The following RELA variants were observed in gnomAD, a reference collection of about 807,000 sequenced individuals.
RELA encodes RELA proto-oncogene, NF-kB subunit.
Under a neutral mutation model 56.7 loss-of-function variants are expected in RELA, and 14 were observed. The observed-to-expected ratio is 0.25, with a 90% confidence interval of 0.16 to 0.39. RELA has a LOEUF of 0.39. Ranked by LOEUF, RELA falls within the 10% of genes least tolerant of loss-of-function variation. The pLI is 1.00. For missense variants in RELA, 559 were observed against 736.4 expected (o/e 0.76, Z 2.79); for synonymous variants, 315 against 289.7 (o/e 1.09, Z -0.89).
At position 65,662,916 on chromosome 11, in the gene RELA, T is replaced by C. The variant is rs1856611677; in HGVS notation, c.-84A>G. On this transcript the variant is annotated 5_prime_UTR_variant, in exon 1 of 11. Transcript: ENST00000406246. ...ACGAGCCATTCGCCAGAGGCGGAAATGCGCCGCGCGGCCCGCCGTCGCGTC... is the reference window on the plus strand; with the variant it reads ...ACGAGCCATTCGCCAGAGGCGGAAACGCGCCGCGCGGCCCGCCGTCGCGTC... 9.1e-7 allele frequency: 1 copy of C among 1,102,216 alleles called. No homozygotes were observed. Among genetic ancestry groups the C allele is most frequent in the East Asian group, 3.9e-5 (1 of 25,652 alleles). 68.3% of individuals were successfully genotyped at this position (1,102,216 alleles called of 1,614,324 possible).
In RELA at chr11:65,653,634, G is replaced by A. The variant is rs981955543; in HGVS notation, c.*744C>T. The A allele has an allele frequency of 1.3e-5, 2 of 152,490 alleles. No homozygotes were observed. The highest frequency in any genetic ancestry group is 2.4e-5 in the African/African-American group (1 of 41,454). The allele number at this position is 152,490 out of a possible 1,614,324, so 9.4% of individuals were successfully genotyped here. A position where few individuals can be genotyped will look rare whatever the true frequency, so the allele number is the denominator to read the frequency against. The stretch of plus-strand genomic sequence containing the variant: ...GCAACAGATTTATTAGTTCAGAGTA[G>A]AAAGAGCAAGAGTCCAAGTGCTTTG... On this transcript the variant is annotated 3_prime_UTR_variant, in exon 11 of 11. Transcript: ENST00000406246.
intron 6 of RELA, 145 bp downstream of exon 6, chr11:65,659,521 C>CA: frequency 1.8e-6 from 2 of 1,098,918 alleles, no homozygotes; most frequent in Non-Finnish European, 2.6e-6. Context: ...CCCCAGCCAA[C>CA]AAAGAGCTGG....
At chr11:65,662,292 A>G in intron 1 of RELA, 87 bp from the exon 2 acceptor site, 1 of 1,415,716 alleles carries the variant, frequency 7.1e-7, no homozygotes, top group South Asian at 1.6e-5. Context: ...AGGAGAAGCC[A>G]GGCTCCCTCC....
chr11:65,663,523 C>T (rs1015830377), upstream of RELA, among the ~76,000 whole-genome samples: 2 of 152,196 alleles, frequency 1.3e-5, no homozygotes, highest in African/African-American at 4.8e-5. Flanking sequence ...CGACTGAGGC[C>T]CTCCCGCTGG....
At position 65,658,161 on chromosome 11, in the gene RELA, G is replaced by C; in HGVS notation, c.877+126C>G. 3.0e-6 allele frequency: 2 copies of C among 664,224 alleles called. No homozygotes were observed. Among genetic ancestry groups the C allele is most frequent in the Non-Finnish European group, 2.6e-6 (1 of 391,988 alleles). 41.1% of individuals were successfully genotyped at this position (664,224 alleles called of 1,614,324 possible). ...TAAATGAGGCAAGAAATGGATTCCA[G>C]TTTCTTGGATCCCAAGCTCTGACTC... On this transcript the variant is annotated intron_variant, in intron 8 of 10. Coordinates refer to ENST00000406246, the MANE Select transcript of RELA (RefSeq NM_021975.4). The surrounding 1 kb of genome is among the most constrained non-coding windows in gnomAD (Gnocchi z 4.5).
chr11:65,662,889 A>G lies in RELA; in HGVS notation c.-57T>C. 2 of 1,176,226 alleles carry G rather than the reference A, an allele frequency of 1.7e-6. No individual in the cohort carries two copies. Among genetic ancestry groups the G allele is most frequent in the Non-Finnish European group, 2.1e-6 (2 of 950,364 alleles). The allele number at this position is 1,176,226 out of a possible 1,614,324, so 72.9% of individuals were successfully genotyped here. On this transcript the variant is annotated 5_prime_UTR_variant, in exon 1 of 11. Transcript: ENST00000406246. The stretch of plus-strand genomic sequence containing the variant: ...CAGCTGGGCCCGCGGCGTGCACTAC[A>G]GACGAGCCATTCGCCAGAGGCGGAA...
chr11:65,663,103 T>A (rs908723921), upstream of RELA: 1 of 238,798 alleles, frequency 4.2e-6, no homozygotes, highest in Non-Finnish European at 8.0e-6. Flanking sequence ...GAGGCTGGCG[T>A]GCCCGGTGGC....
Position 65,654,476 on chromosome 11 carries a change from C to A in RELA, c.1558G>T (p.Ala520Ser). 1 of 1,601,848 alleles carries A rather than the reference C, an allele frequency of 6.2e-7. No individual in the cohort carries two copies. The highest frequency in any genetic ancestry group is 8.5e-7 in the Non-Finnish European group (1 of 1,175,590). The part of the protein sequence containing the change: ...PPDPAPAPLG[A>S]PGLPNGLLSG... ...AGGAGGCCATTGGGGAGCCCCGGGG[C>A]CCCCAGTGGAGCAGGAGCTGGGTCG... is the stretch of plus-strand genomic sequence containing the variant. Residue 520 changes from alanine (A) to serine (S), a missense_variant, in exon 11 of 11, where the codon GCC becomes TCC. By Grantham distance (99) the Ala-to-Ser change is moderately conservative (BLOSUM62 1). Transcript: ENST00000406246.
Sources: allele counts gnomAD v4.1 joint callset (sites outside exome capture counted in the v4.1 genomes callset), GRCh38; gene constraint gnomAD v4.1.1; non-coding constraint Gnocchi (gnomAD v3.1); transcripts MANE v1.5; gene names NCBI Gene and HGNC (gene_info 2026-07-23, HGNC 2026-07-21).